Variants in OSBPL5 observed in about 807,000 individuals in gnomAD.
The protein encoded by OSBPL5 is oxysterol binding protein like 5.
Under a neutral mutation model 111.2 loss-of-function variants are expected in OSBPL5, and 71 were observed. That is an observed-to-expected ratio of 0.64 (90% confidence interval 0.53 to 0.78). The LOEUF (loss-of-function observed/expected upper bound fraction) is 0.78. Among genes scored for constraint, OSBPL5 ranks in the 30% least tolerant of loss-of-function variants. The pLI is 0.00. For synonymous variants in OSBPL5, 549 were observed against 513.9 expected, an observed-to-expected ratio of 1.07 and a Z score of -0.93; for missense variants, 1,210 against 1,189.3, an observed-to-expected ratio of 1.02 and a Z score of -0.26.
rs1015307722 is a variant in OSBPL5 at position 3,140,781 on chromosome 11, G to A, written c.-21-11612C>T. Among the ~76,000 whole-genome samples the A allele has an allele frequency of 2.6e-5, 4 of 152,106 alleles. No homozygotes were observed. The highest frequency in any genetic ancestry group is 4.8e-5 in the African/African-American group (2 of 41,394). On this transcript the variant is annotated intron_variant, in intron 1 of 21. Coordinates refer to ENST00000263650, the MANE Select transcript of OSBPL5 (RefSeq NM_020896.4). The surrounding 1 kb of genome is among the most constrained non-coding windows in gnomAD (Gnocchi z 4.5). ...CTTGGGGTATGTGGGTACCTGGGGCGGCCCCTCATGTCCAGGAGCTGAGGC... is the reference window on the plus strand; with the variant it reads ...CTTGGGGTATGTGGGTACCTGGGGCAGCCCCTCATGTCCAGGAGCTGAGGC...
rs1159654904 is a variant in OSBPL5, at chr11:3,154,925, A to AATG, written c.-22+10290_-22+10291insCAT. On this transcript the variant is annotated intron_variant, in intron 1 of 21. Coordinates refer to ENST00000263650, the MANE Select transcript of OSBPL5 (RefSeq NM_020896.4). The surrounding 1 kb of genome is among the most constrained non-coding windows in gnomAD (Gnocchi z 4.9). The stretch of plus-strand genomic sequence containing the variant: ...GAACTTAAAGTATAATAATAATAAT[A>AATG]ATAATAAAAAGAGCCCATTAAATTA... 1.3e-5 allele frequency among the ~76,000 whole-genome samples: 2 copies of AATG among 152,006 alleles called. No homozygotes were observed. The highest frequency in any genetic ancestry group is 6.5e-5 in the Admixed American group (1 of 15,276).
intron 1 of OSBPL5, among the ~76,000 whole-genome samples, chr11:3,164,782 G>T (rs1423182593): frequency 2.0e-5 from 3 of 152,196 alleles, no homozygotes; most frequent in Non-Finnish European, 4.4e-5. Flanking sequence ...CTGGCTCCTT[G>T]GAGCCCGCGT....
At chr11:3,096,966 A>AGGGGGAAGAT (rs1857279598) in intron 14 of OSBPL5, among the ~76,000 whole-genome samples, 1 of 133,596 alleles carries the variant, frequency 7.5e-6, no homozygotes, top group Non-Finnish European at 1.6e-5. Flanking sequence ...GGAGGAGAAG[A>AGGGGGAAGAT]GGAAAGAGGG....
At chr11:3,138,657 G>A (rs974641954) in intron 1 of OSBPL5, among the ~76,000 whole-genome samples, 5 of 152,216 alleles carry the variant, frequency 3.3e-5, no homozygotes, top group Non-Finnish European at 7.3e-5. Flanking sequence ...AATGCCCTCA[G>A]GCACACCTGG....
At chr11:3,094,159 T>C (rs1002345053) in intron 15 of OSBPL5, 78 bp downstream of exon 15, 3 of 1,390,130 alleles carry the variant, frequency 2.2e-6, no homozygotes, top group African/African-American at 2.8e-5. Flanking sequence ...CCTTGGGGCC[T>C]GGGGAGAGTG....
At position 3,142,647 on chromosome 11, in the gene OSBPL5, C is replaced by A. The variant is rs138994429; in HGVS notation, c.-21-13478G>T. Among the ~76,000 whole-genome samples, 825 of 152,282 alleles carry A rather than the reference C, an allele frequency of 5.4e-3. 23 individuals are homozygous for A. The highest frequency in any genetic ancestry group is 0.047 in the Admixed American group (722 of 15,294). On this transcript the variant is annotated intron_variant, in intron 1 of 21. Transcript: ENST00000263650. The surrounding 1 kb of genome is among the most constrained non-coding windows in gnomAD (Gnocchi z 7.1). ...TGGGTGGTGCGTTTATCAACAGGACCGCTGGTTTCATGTCTCTGTCTCTCC... is the reference window on the plus strand; with the variant it reads ...TGGGTGGTGCGTTTATCAACAGGACAGCTGGTTTCATGTCTCTGTCTCTCC...
intron 1 of OSBPL5, among the ~76,000 whole-genome samples, chr11:3,157,538 A>G (rs888591160): frequency 4.6e-5 from 7 of 152,166 alleles, no homozygotes; most frequent in Non-Finnish European, 7.4e-5. Context: ...GGGGCAGGAG[A>G]GCCCCAGCCA....
chr11:3,103,850 T>TGCCTCTGTAGCC (rs1857588105), intron 10 of OSBPL5, among the ~76,000 whole-genome samples: 2 of 102,636 alleles, frequency 1.9e-5, no homozygotes, highest in African/African-American at 3.9e-5. Context: ...GCAGCCCCTT[T>TGCCTCTGTAGCC]CCAGTCTGCG....
chr11:3,112,062 T>TGCGC lies in OSBPL5; in HGVS notation c.692-4118_692-4117insGCGC, dbSNP rs75427714. ...GTGTGCGCGCATGTGTGTGCATGTG[T>TGCGC]ATGTGTGTGTGCATGTGTGTGTGCA... On this transcript the variant is annotated intron_variant, in intron 7 of 21. Transcript: ENST00000263650. 4.8e-5 allele frequency among the ~76,000 whole-genome samples: 3 copies of TGCGC among 62,696 alleles called. No individual in the cohort carries two copies. In the South Asian group the frequency reaches 2.0e-3, roughly 42 times the overall value. The allele number at this position is 62,696 out of a possible 152,430, so 41.1% of individuals were successfully genotyped here. A position where few individuals can be genotyped will look rare whatever the true frequency, so the allele number is the denominator to read the frequency against.
rs1175564621 is a variant in OSBPL5, at chr11:3,165,307, A to T, written c.-113T>A. 1 of 151,590 alleles carries T rather than the reference A, an allele frequency of 6.6e-6. No homozygotes were observed. Among genetic ancestry groups the T allele is most frequent in the East Asian group, 1.9e-4 (1 of 5,154 alleles). 9.4% of individuals were successfully genotyped at this position (151,590 alleles called of 1,614,324 possible). ...GGGCCTGGCTGCAGGAAATGCCAGC[A>T]GATGGTCCCCCCGCGCGAGGCGGAG... On this transcript the variant is annotated 5_prime_UTR_variant, in exon 1 of 22. Coordinates refer to ENST00000263650, the MANE Select transcript of OSBPL5 (RefSeq NM_020896.4). This position sits in a 1 kb window ranked among gnomAD's most constrained non-coding sequence, Gnocchi z 7.4.
In OSBPL5 at chr11:3,144,889, C is replaced by A. The variant is rs558412712; in HGVS notation, c.-21-15720G>T. Reference sequence around the variant, plus strand: ...CTCCAGGATGGTCTCATACCAAGATCTTCAGTAACATCTGTACAGACCCGG... The same window carrying A: ...CTCCAGGATGGTCTCATACCAAGATATTCAGTAACATCTGTACAGACCCGG... On this transcript the variant is annotated intron_variant, in intron 1 of 21. Coordinates refer to ENST00000263650, the MANE Select transcript of OSBPL5 (RefSeq NM_020896.4). Among the ~76,000 whole-genome samples the A allele has an allele frequency of 6.6e-5, 10 of 152,358 alleles. No homozygotes were observed. In the South Asian group the frequency reaches 1.0e-3, roughly 16 times the overall value.
intron 14 of OSBPL5, among the ~76,000 whole-genome samples, chr11:3,097,062 A>G: frequency 1.9e-3 from 1 of 524 alleles, no homozygotes; most frequent in African/African-American, 5.6e-3. Flanking sequence ...AGGAGAGGAA[A>G]GGGGGAAGAT....
chr11:3,103,813 T>A (rs74048799), intron 10 of OSBPL5, among the ~76,000 whole-genome samples: 18,888 of 106,990 alleles, frequency 0.18, 2,014 homozygotes, highest in African/African-American at 0.31. Flanking sequence ...GCCCTCTTCC[T>A]GCCTGCGCAG....
rs1320623078 is a variant in OSBPL5, at chr11:3,162,930, G to C, written c.-22+2286C>G. Among the ~76,000 whole-genome samples the C allele has an allele frequency of 6.6e-6, 1 of 151,640 alleles. No individual in the cohort carries two copies. The highest frequency in any genetic ancestry group is 2.4e-5 in the African/African-American group (1 of 41,210). On this transcript the variant is annotated intron_variant, in intron 1 of 21. Coordinates refer to ENST00000263650, the MANE Select transcript of OSBPL5 (RefSeq NM_020896.4). This position sits in a 1 kb window ranked among gnomAD's most constrained non-coding sequence, Gnocchi z 8.1. ...CCCCCAGCACACTGGTGCACTCCCT[G>C]GGCTCCCCTGCCAACCCTGCAAGTG...
At chr11:3,133,618 A>C (rs1213171868) in intron 1 of OSBPL5, among the ~76,000 whole-genome samples, 1 of 151,784 alleles carries the variant, frequency 6.6e-6, no homozygotes, top group Non-Finnish European at 1.5e-5. Flanking sequence ...GCCCCCAATG[A>C]CTCTCTGCTC....
At chr11:3,111,992 T>TGCATATGTGTGCGC (rs1857967139) in intron 7 of OSBPL5, among the ~76,000 whole-genome samples, 2 of 120,952 alleles carry the variant, frequency 1.7e-5, no homozygotes, top group African/African-American at 2.9e-5. Flanking sequence ...CGCATGTGTG[T>TGCATATGTGTGCGC]GCATGTGTGT....
chr11:3,128,429 A>G (rs1018123783), intron 2 of OSBPL5, among the ~76,000 whole-genome samples: 6 of 152,192 alleles, frequency 3.9e-5, no homozygotes, highest in African/African-American at 1.2e-4. Context: ...TGGCTGGGGC[A>G]GGGGTTGTGC....
intron 1 of OSBPL5, among the ~76,000 whole-genome samples, chr11:3,135,888 G>A (rs549781426): frequency 1.6e-4 from 25 of 152,324 alleles, no homozygotes; most frequent in African/African-American, 5.5e-4. Flanking sequence ...GGACAGAGGC[G>A]AGGGCACAGG....
chr11:3,125,410 A>G (rs76081903), intron 3 of OSBPL5, among the ~76,000 whole-genome samples: 11,874 of 152,268 alleles, frequency 0.078, 692 homozygotes, highest in African/African-American at 0.16. Flanking sequence ...CAAACAGGAC[A>G]TACAAATGGC....
Sources: gnomAD v4.1 joint callset for allele counts (sites outside exome capture counted in the v4.1 genomes callset) on GRCh38, gnomAD v4.1.1 for gene constraint, Gnocchi (gnomAD v3.1) non-coding constraint, MANE v1.5 for transcripts, NCBI Gene and HGNC (gene_info 2026-07-23, HGNC 2026-07-21) for gene names.